The following FKBP5 variants were observed in gnomAD, a reference collection of about 807,000 sequenced individuals.
FKBP5 encodes peptidyl-prolyl cis-trans isomerase FKBP5.
FKBP5 carries 23 observed loss-of-function variants against 50.5 expected under a neutral mutation model. The observed-to-expected ratio is 0.46, with a 90% confidence interval of 0.33 to 0.65. FKBP5 has a LOEUF of 0.65. Among genes scored for constraint, FKBP5 ranks in the 30% least tolerant of loss-of-function variants. FKBP5 has a pLI of 0.02. For synonymous variants in FKBP5, 176 were observed against 190.6 expected (o/e 0.92, Z 0.63); for missense variants, 411 against 553.1 (o/e 0.74, Z 2.58).
Position 35,710,009 on chromosome 6 carries a change from AT to A in FKBP5, c.-20+10318del, listed in dbSNP as rs984792089. 2.6e-5 allele frequency among the ~76,000 whole-genome samples: 4 copies of A among 152,198 alleles called. 1 individual carries two copies. Among genetic ancestry groups the A allele is most frequent in the Admixed American group, 6.5e-5 (1 of 15,280 alleles). ...GAGGGAAGACCTCTGAGGAGGCAAC[AT>A]TTGTGCTAAGGCCCAAAAGATGAGA... On this transcript the variant is annotated intron_variant, in intron 2 of 11. Coordinates refer to the FKBP5 transcript ENST00000536438.
At chr6:35,607,356 C>T (rs1008286477) in intron 5 of FKBP5, among the ~76,000 whole-genome samples, 4 of 151,194 alleles carry the variant, frequency 2.6e-5, no homozygotes, top group East Asian at 1.9e-4. Flanking sequence ...CAGGCATGCA[C>T]CACCATGCTT....
chr6:35,596,190 A>G (rs1309035853), intron 6 of FKBP5, among the ~76,000 whole-genome samples: 1 of 152,072 alleles, frequency 6.6e-6, no homozygotes, highest in Admixed American at 6.5e-5. Context: ...CCTCGTCTCT[A>G]CTAGAAATAC....
chr6:35,589,132 T>A (rs79416274), intron 7 of FKBP5, among the ~76,000 whole-genome samples: 2,040 of 129,036 alleles, frequency 0.016, 28 homozygotes, highest in Admixed American at 0.019. Context: ...ATATATATTT[T>A]TTTTTTTTTC....
chr6:35,649,659 T>C (rs1764733909), intron 1 of FKBP5, among the ~76,000 whole-genome samples: 1 of 152,136 alleles, frequency 6.6e-6, no homozygotes, highest in Non-Finnish European at 1.5e-5. Context: ...ATACTTATAC[T>C]AGGGTTATAA....
chr6:35,585,312 A>G lies in FKBP5; in HGVS notation c.840+1722T>C, dbSNP rs77781474. On this transcript the variant is annotated intron_variant, in intron 8 of 10. Transcript: ENST00000357266. The stretch of plus-strand genomic sequence containing the variant: ...TCCCTCTAGTGTATTATGTATTTGG[A>G]TATACAAATAACCCACTTGGAATCT... The G allele has an allele frequency of 6.4e-3, 6,235 of 979,256 alleles. 270 individuals are homozygous for G. The African/African-American group carries it at 0.1, about 16-fold the overall frequency. The allele number at this position is 979,256 out of a possible 1,614,324, so 60.7% of individuals were successfully genotyped here.
At chr6:35,705,085 G>A (rs1293398540) in intron 2 of FKBP5, among the ~76,000 whole-genome samples, 1 of 150,758 alleles carries the variant, frequency 6.6e-6, no homozygotes, top group East Asian at 2.0e-4. Flanking sequence ...AGCTTGCAAT[G>A]AGCTGACATC....
chr6:35,700,266 T>C (rs1766156892), intron 2 of FKBP5, among the ~76,000 whole-genome samples: 3 of 152,124 alleles, frequency 2.0e-5, no homozygotes, highest in Admixed American at 6.5e-5. Flanking sequence ...GTTCAAGCGA[T>C]TCTCCTGCCT....
In FKBP5 at chr6:35,648,508, G is replaced by A. The variant is rs1290435674; in HGVS notation, c.-19-5665C>T. On this transcript the variant is annotated intron_variant, in intron 1 of 10. Transcript: ENST00000357266. Reference sequence around the variant, plus strand: ...CCAGGCTGGTCTTGAAGTGATCCTGGGCTCAAGTGATCCTCCCACTTCGTC... The same window carrying A: ...CCAGGCTGGTCTTGAAGTGATCCTGAGCTCAAGTGATCCTCCCACTTCGTC... 2.0e-5 allele frequency among the ~76,000 whole-genome samples: 3 copies of A among 152,086 alleles called. No individual in the cohort carries two copies. The East Asian group carries it at 5.8e-4, about 29-fold the overall frequency.
At position 35,580,151 on chromosome 6, in the gene FKBP5, A is replaced by G; in HGVS notation, c.911T>C (p.Leu304Ser). Residue 304 changes from leucine to serine, a missense_variant, in exon 9 of 11, where the codon TTA becomes TCA. This residue lies in a region of FKBP5 where 267 missense variants were observed against 405.9 expected (regional missense o/e 0.66). Coordinates refer to ENST00000357266, the MANE Select transcript of FKBP5 (RefSeq NM_004117.4). ...IVSWLEMEYGLSEKESKASES... is the reference protein window; with the variant it reads ...IVSWLEMEYGSSEKESKASES... ...AGAAGCTTTCGATTCCTTTTCTGAT[A>G]AACCATATTCCATCTCTAACCAGGA... The G allele has an allele frequency of 2.5e-6, 4 of 1,614,090 alleles. No individual in the cohort carries two copies. The highest frequency in any genetic ancestry group is 3.4e-6 in the Non-Finnish European group (4 of 1,179,936).
intron 2 of FKBP5, among the ~76,000 whole-genome samples, chr6:35,713,885 C>A (rs893411704): frequency 2.0e-5 from 3 of 152,124 alleles, no homozygotes; most frequent in Non-Finnish European, 4.4e-5. Flanking sequence ...TGCCCTTCTC[C>A]CTTCCCTCTG....
intron 1 of FKBP5, among the ~76,000 whole-genome samples, chr6:35,644,166 T>C (rs1764568553): frequency 6.6e-6 from 1 of 152,222 alleles, no homozygotes; most frequent in Non-Finnish European, 1.5e-5. Flanking sequence ...CATTTTTTCA[T>C]GCAAGGCAAG....
Position 35,658,683 on chromosome 6 carries a change from AAAC to A in FKBP5, c.-19-15843_-19-15841del, listed in dbSNP as rs1433628542. The stretch of plus-strand genomic sequence containing the variant: ...TACATGACATTGGTTTTCAAATGTT[AAAC>A]CAACCTTGGATACCTGGAATAAACC... On this transcript the variant is annotated intron_variant, in intron 1 of 10. Transcript: ENST00000357266. Among the ~76,000 whole-genome samples the A allele has an allele frequency of 1.9e-4, 17 of 88,324 alleles. 7 individuals are homozygous for A. The highest frequency in any genetic ancestry group is 7.2e-4 in the East Asian group (2 of 2,766). The allele number at this position is 88,324 out of a possible 152,430, so 57.9% of individuals were successfully genotyped here.
intron 8 of FKBP5, chr6:35,585,471 T>C (rs1466148758): frequency 6.1e-6 from 6 of 985,062 alleles, no homozygotes; most frequent in Non-Finnish European, 7.2e-6. Flanking sequence ...TTGGGGAACA[T>C]CTAACTCCCC....
chr6:35,576,469 C>T (rs371449483), intron 10 of FKBP5, among the ~76,000 whole-genome samples: 3 of 152,046 alleles, frequency 2.0e-5, no homozygotes, highest in African/African-American at 7.2e-5. Context: ...GCCAGGGGTT[C>T]GAGACCAGCC....
At position 35,618,221 on chromosome 6, in the gene FKBP5, T is replaced by C. The variant is rs183188957; in HGVS notation, c.508+875A>G. On this transcript the variant is annotated intron_variant, in intron 5 of 10. Coordinates refer to ENST00000357266, the MANE Select transcript of FKBP5 (RefSeq NM_004117.4). ...ACATATCAGGCAACTAATATAGTTGTTGGCACACCAGAGAGTCCACAGATT... is the reference window on the plus strand; with the variant it reads ...ACATATCAGGCAACTAATATAGTTGCTGGCACACCAGAGAGTCCACAGATT... Among the ~76,000 whole-genome samples the C allele has an allele frequency of 6.0e-4, 91 of 152,320 alleles. 5 individuals carry two copies. The highest frequency in any genetic ancestry group is 5.0e-3 in the Admixed American group (77 of 15,288).
intron 1 of FKBP5, among the ~76,000 whole-genome samples, chr6:35,683,107 T>C (rs1374892381): frequency 6.9e-6 from 1 of 145,042 alleles, no homozygotes; most frequent in African/African-American, 2.5e-5. Flanking sequence ...TGTGTGTGTA[T>C]ATATATACGT....
Position 35,685,780 on chromosome 6 carries a change from G to A in FKBP5, c.-20+3024C>T, listed in dbSNP as rs186507455. On this transcript the variant is annotated intron_variant, in intron 1 of 10. Coordinates refer to ENST00000357266, the MANE Select transcript of FKBP5 (RefSeq NM_004117.4). ...GTGGATCACCTGAGGTCAGGAGTTC[G>A]AGACCAGCCTGGCCAACATGGCAAA... 6.3e-4 allele frequency among the ~76,000 whole-genome samples: 96 copies of A among 152,072 alleles called. 1 individual carries two copies. The South Asian group carries it at 0.01, about 16-fold the overall frequency.
At chr6:35,635,636 A>G (rs1262605443) in intron 3 of FKBP5, among the ~76,000 whole-genome samples, 2 of 152,174 alleles carry the variant, frequency 1.3e-5, no homozygotes, top group Non-Finnish European at 2.9e-5. Context: ...TTCATTTTAG[A>G]ATAACCCCAT....
At chr6:35,628,516 C>T (rs1764063470) in intron 3 of FKBP5, among the ~76,000 whole-genome samples, 1 of 152,162 alleles carries the variant, frequency 6.6e-6, no homozygotes, top group Admixed American at 6.5e-5. Context: ...TGATTCATTC[C>T]TGCTTCACCT....
Sources: gnomAD v4.1 joint callset for allele counts (sites outside exome capture counted in the v4.1 genomes callset) on GRCh38, gnomAD v4.1.1 for gene constraint, gnomAD v4.1.1 regional missense constraint, MANE v1.5 for transcripts, NCBI Gene and HGNC (gene_info 2026-07-23, HGNC 2026-07-21) for gene names.